The following GRIA3 variants were observed in gnomAD, a reference collection of about 807,000 sequenced individuals.
The protein encoded by GRIA3 is glutamate receptor 3.
GRIA3 carries 3 observed loss-of-function variants against 63.0 expected under a neutral mutation model. That is an observed-to-expected ratio of 0.05 (90% CI 0.02 to 0.12). The LOEUF is 0.12. GRIA3 is among the 10% of genes least tolerant of loss of function. GRIA3 has a pLI of 1.00. For synonymous variants in GRIA3, 274 were observed against 257.9 expected, an observed-to-expected ratio of 1.06 and a Z score of -0.60; for missense variants, 347 against 700.9, an observed-to-expected ratio of 0.50 and a Z score of 5.70.
At chrX:123,253,019 G>A (rs2044399567) in intron 2 of GRIA3, among the ~76,000 whole-genome samples, 1 of 111,922 alleles carries the variant, frequency 8.9e-6, no homozygotes, top group South Asian at 3.8e-4. Flanking sequence ...ATGCCTTGGA[G>A]ATGAGCCGGG....
intron 3 of GRIA3, among the ~76,000 whole-genome samples, chrX:123,274,537 TCACCAA>T (rs2044542700): frequency 8.9e-6 from 1 of 112,634 alleles, no homozygotes; most frequent in South Asian, 3.7e-4. Context: ...TTGCCTCTCA[TCACCAA>T]CCCCTCCTCC....
chrX:123,306,700 G>A (rs866905723), intron 3 of GRIA3, among the ~76,000 whole-genome samples: 1 of 111,745 alleles, frequency 8.9e-6, no homozygotes, highest in Non-Finnish European at 1.9e-5. Context: ...CACAACAGCA[G>A]TATTTCTCCA....
At chrX:123,280,786 T>C (rs1165362282) in intron 3 of GRIA3, among the ~76,000 whole-genome samples, 1 of 112,403 alleles carries the variant, frequency 8.9e-6, no homozygotes, top group African/African-American at 3.2e-5. Context: ...GTTTATTGTG[T>C]ATTGCCTCTT....
chrX:123,411,430 A>G, intron 10 of GRIA3, among the ~76,000 whole-genome samples: 1 of 112,141 alleles, frequency 8.9e-6, no homozygotes, highest in East Asian at 2.8e-4. Context: ...GAAAATTCTT[A>G]AAGATATAAC....
In GRIA3 at chrX:123,490,377, A is replaced by G. The variant is rs1338330393; in HGVS notation, c.*1667A>G. The stretch of plus-strand genomic sequence containing the variant: ...GTCAAATTTCAAATGGTATTGAACA[A>G]AAAAAGAAAGCTGTTGTGTTTTTGT... On this transcript the variant is annotated 3_prime_UTR_variant, in exon 16 of 16. Transcript: ENST00000620443. The G allele has an allele frequency of 8.8e-6, 1 of 113,182 alleles. No homozygotes were observed. Among genetic ancestry groups the G allele is most frequent in the Non-Finnish European group, 1.9e-5 (1 of 53,406 alleles). 9.3% of individuals were successfully genotyped at this position (113,182 alleles called of 1,213,427 possible).
At chrX:123,381,828 A>G (rs963044278) in intron 5 of GRIA3, among the ~76,000 whole-genome samples, 4 of 112,341 alleles carry the variant, frequency 3.6e-5, no homozygotes, top group African/African-American at 1.3e-4. Context: ...ACGAAGAGTC[A>G]ACAAACTCCT....
At chrX:123,434,087 G>A (rs1268497100) in intron 12 of GRIA3, among the ~76,000 whole-genome samples, 2 of 111,530 alleles carry the variant, frequency 1.8e-5, no homozygotes, top group African/African-American at 6.5e-5. Context: ...GGCTTTTGAA[G>A]TATATGCAGG....
chrX:123,290,757 G>A (rs1317658846), intron 3 of GRIA3, among the ~76,000 whole-genome samples: 1 of 111,276 alleles, frequency 9.0e-6, no homozygotes, highest in African/African-American at 3.3e-5. Flanking sequence ...TTACTTTTCA[G>A]GATCATGCAA....
chrX:123,371,161 C>G (rs1288720105), intron 5 of GRIA3, among the ~76,000 whole-genome samples: 1 of 109,584 alleles, frequency 9.1e-6, no homozygotes, highest in Non-Finnish European at 1.9e-5. Context: ...TGGCTTATTT[C>G]TCTTAGCATA....
intron 2 of GRIA3, among the ~76,000 whole-genome samples, chrX:123,228,013 C>G (rs1048914452): frequency 1.3e-4 from 15 of 112,109 alleles, no homozygotes; most frequent in African/African-American, 4.9e-4. Context: ...GAGACTGGAG[C>G]CTTTCAGCTC....
At chrX:123,297,719 AT>A (rs773357253) in intron 3 of GRIA3, among the ~76,000 whole-genome samples, 64 of 110,686 alleles carry the variant, frequency 5.8e-4, no homozygotes, top group Admixed American at 4.9e-3. Flanking sequence ...CTTGGAAAAT[AT>A]TTTTTTTAAC....
intron 5 of GRIA3, among the ~76,000 whole-genome samples, chrX:123,373,069 A>G (rs1603119267): frequency 9.2e-6 from 1 of 108,693 alleles, no homozygotes; most frequent in Non-Finnish European, 1.9e-5. Flanking sequence ...CCTGTGTCCA[A>G]GTGCTCTCAT....
chrX:123,372,945 C>T (rs751233526), intron 5 of GRIA3, among the ~76,000 whole-genome samples: 1 of 108,464 alleles, frequency 9.2e-6, no homozygotes, highest in East Asian at 2.9e-4. Flanking sequence ...AGGTTTGTGC[C>T]ATGTTGGTGT....
At chrX:123,459,047 T>C (rs2045778762) in intron 12 of GRIA3, among the ~76,000 whole-genome samples, 1 of 111,907 alleles carries the variant, frequency 8.9e-6, no homozygotes, top group Admixed American at 9.5e-5. Context: ...TATAATGTTT[T>C]TCCCACTTCC....
intron 2 of GRIA3, among the ~76,000 whole-genome samples, chrX:123,236,872 A>C (rs1295651019): frequency 8.9e-6 from 1 of 111,993 alleles, no homozygotes; most frequent in Non-Finnish European, 1.9e-5. Flanking sequence ...CAAAAGTAAC[A>C]GAACACCTGT....
chrX:123,452,672 T>A (rs1402601867), intron 12 of GRIA3, among the ~76,000 whole-genome samples: 1 of 111,835 alleles, frequency 8.9e-6, no homozygotes, highest in East Asian at 2.8e-4. Context: ...TAATAGAAAA[T>A]AAAAATACAT....
intron 10 of GRIA3, among the ~76,000 whole-genome samples, chrX:123,407,251 C>T (rs1382543485): frequency 1.8e-5 from 2 of 111,436 alleles, no homozygotes; most frequent in Non-Finnish European, 3.8e-5. Context: ...ATCCTCACAA[C>T]ACGCCTCTGG....
chrX:123,441,796 T>C (rs188525899), intron 12 of GRIA3, among the ~76,000 whole-genome samples: 68 of 98,567 alleles, frequency 6.9e-4, no homozygotes, highest in Middle Eastern at 4.9e-3. Flanking sequence ...GATTTCCAAA[T>C]GTTTGTATTC....
At chrX:123,314,521 A>G (rs2044819232) in intron 3 of GRIA3, among the ~76,000 whole-genome samples, 1 of 111,829 alleles carries the variant, frequency 8.9e-6, no homozygotes, top group Non-Finnish European at 1.9e-5. Context: ...AGGCTTGCCT[A>G]TTCTGCTCTT....
Sources: gnomAD v4.1 joint callset for allele counts (sites outside exome capture counted in the v4.1 genomes callset) on GRCh38, gnomAD v4.1.1 for gene constraint, MANE v1.5 for transcripts, NCBI Gene and HGNC (gene_info 2026-07-23, HGNC 2026-07-21) for gene names.